The following PTPRD variants were observed in gnomAD, a reference collection of about 807,000 sequenced individuals.
The protein encoded by PTPRD is protein tyrosine phosphatase receptor type D, also known as receptor-type tyrosine-protein phosphatase delta.
Under a neutral mutation model 214.5 loss-of-function variants are expected in PTPRD, and 34 were observed. The ratio of observed to expected loss-of-function variants is 0.16; its 90% CI spans 0.12 to 0.21. PTPRD has a LOEUF of 0.21. Among genes scored for constraint, PTPRD ranks in the 10% least tolerant of loss-of-function variants. The probability of loss-of-function intolerance (pLI) is 1.00; values close to 1 mark genes in which losing one functional copy is unlikely to be tolerated. For missense variants in PTPRD, 2,545 were observed against 2,398.7 expected, an observed-to-expected ratio of 1.06 and a Z score of -1.27; for synonymous variants, 1,128 against 845.7, an observed-to-expected ratio of 1.33 and a Z score of -5.79.
intron 7 of PTPRD, among the ~76,000 whole-genome samples, chr9:9,612,968 G>T (rs1459086471): frequency 1.3e-5 from 2 of 151,456 alleles, no homozygotes; most frequent in Admixed American, 1.3e-4. Context: ...TAGACCGGTG[G>T]TTCTCAAACT....
At chr9:8,774,897 C>T (rs933022334) in intron 11 of PTPRD, among the ~76,000 whole-genome samples, 6 of 152,054 alleles carry the variant, frequency 3.9e-5, no homozygotes, top group East Asian at 1.9e-4. Context: ...ATGTTGATTA[C>T]GAAGATACTT....
At chr9:8,995,650 G>A (rs777871531) in intron 11 of PTPRD, among the ~76,000 whole-genome samples, 8 of 151,956 alleles carry the variant, frequency 5.3e-5, no homozygotes, top group Non-Finnish European at 8.8e-5. Flanking sequence ...AGTTGAAATC[G>A]GGTTCCCCTA....
chr9:9,524,176 T>G (rs560881021), intron 8 of PTPRD, among the ~76,000 whole-genome samples: 1 of 152,234 alleles, frequency 6.6e-6, no homozygotes, highest in South Asian at 2.1e-4. Flanking sequence ...GAGAGACAAT[T>G]TCTGGAGGTG....
At chr9:10,084,564 A>T (rs897499435) in intron 3 of PTPRD, among the ~76,000 whole-genome samples, 2 of 152,004 alleles carry the variant, frequency 1.3e-5, no homozygotes, top group African/African-American at 4.8e-5. Context: ...TGGAGTTCTT[A>T]GATATTGATA....
chr9:10,456,257 T>C (rs891902619), intron 2 of PTPRD, among the ~76,000 whole-genome samples: 3 of 151,954 alleles, frequency 2.0e-5, no homozygotes, highest in African/African-American at 4.8e-5. Flanking sequence ...AGTGCTGTTT[T>C]GAAATACCAT....
At chr9:10,483,847 C>T (rs576303756) in intron 2 of PTPRD, among the ~76,000 whole-genome samples, 2 of 152,160 alleles carry the variant, frequency 1.3e-5, no homozygotes, top group Admixed American at 1.3e-4. Flanking sequence ...TTAATACAAC[C>T]TCTCTGGAAA....
chr9:9,965,523 C>G (rs890784154), intron 4 of PTPRD, among the ~76,000 whole-genome samples: 4 of 152,146 alleles, frequency 2.6e-5, no homozygotes, highest in Non-Finnish European at 5.9e-5. Context: ...TCAAAAGGAC[C>G]TCATGCCATG....
At chr9:8,952,394 T>G (rs1052436950) in intron 11 of PTPRD, among the ~76,000 whole-genome samples, 1 of 152,002 alleles carries the variant, frequency 6.6e-6, no homozygotes, top group South Asian at 2.1e-4. Context: ...CACAGGGCAA[T>G]TTTTCTTGAA....
chr9:9,029,494 C>A (rs1590094716), intron 10 of PTPRD, among the ~76,000 whole-genome samples: 1 of 14,692 alleles, frequency 6.8e-5, no homozygotes, highest in Admixed American at 2.9e-4. Flanking sequence ...TAGCTACTTG[C>A]ACTAAAAAAA....
At chr9:9,629,747 G>T (rs1178052578) in intron 7 of PTPRD, among the ~76,000 whole-genome samples, 1 of 151,962 alleles carries the variant, frequency 6.6e-6, no homozygotes, top group Non-Finnish European at 1.5e-5. Flanking sequence ...AAAGGAATAG[G>T]CTCTTTCCCT....
At chr9:8,372,040 G>T (rs999447661) in intron 39 of PTPRD, among the ~76,000 whole-genome samples, 4 of 151,974 alleles carry the variant, frequency 2.6e-5, no homozygotes, top group Non-Finnish European at 5.9e-5. Flanking sequence ...TTTAAGAGTT[G>T]AAAGGTTTCT....
chr9:8,909,599 C>T (rs1417813054), intron 11 of PTPRD, among the ~76,000 whole-genome samples: 1 of 152,032 alleles, frequency 6.6e-6, no homozygotes, highest in Non-Finnish European at 1.5e-5. Context: ...TTTCATCAAC[C>T]TGAAACAGGA....
At chr9:9,795,840 C>T (rs1309413877) in intron 5 of PTPRD, among the ~76,000 whole-genome samples, 1 of 151,958 alleles carries the variant, frequency 6.6e-6, no homozygotes, top group Admixed American at 6.6e-5. Context: ...CCAGACTAAA[C>T]AGTAGGTAAA....
rs533947935 is a variant in PTPRD at position 9,189,112 on chromosome 9, A to G, written c.-202-5749T>C. Among the ~76,000 whole-genome samples, 6 of 152,228 alleles carry G rather than the reference A, an allele frequency of 3.9e-5. No individual in the cohort carries two copies. In the South Asian group the frequency reaches 1.0e-3, roughly 26 times the overall value. ...GAATACAATTCCATTATTTTCAGGT[A>G]TGAGGAATTTTCCATAAGTGTTCAC... On this transcript the variant is annotated intron_variant, in intron 9 of 45. Coordinates refer to ENST00000381196, the MANE Select transcript of PTPRD (RefSeq NM_002839.4).
At chr9:10,268,943 A>G (rs1238066789) in intron 3 of PTPRD, among the ~76,000 whole-genome samples, 1 of 152,194 alleles carries the variant, frequency 6.6e-6, no homozygotes, top group Non-Finnish European at 1.5e-5. Flanking sequence ...GCCTGGCAGT[A>G]TCCCTGGCCT....
At chr9:9,427,155 A>C (rs776461353) in intron 8 of PTPRD, among the ~76,000 whole-genome samples, 15 of 152,166 alleles carry the variant, frequency 9.9e-5, no homozygotes, top group Non-Finnish European at 1.6e-4. Context: ...AAAGAAGCTA[A>C]AAACCTTGAA....
chr9:10,361,926 C>A (rs1032962107), intron 2 of PTPRD, among the ~76,000 whole-genome samples: 3 of 152,078 alleles, frequency 2.0e-5, no homozygotes, highest in African/African-American at 7.2e-5. Flanking sequence ...TTCTTCTATG[C>A]AGAGAACAAA....
At chr9:10,567,310 T>C (rs947543791) in intron 2 of PTPRD, among the ~76,000 whole-genome samples, 18 of 152,094 alleles carry the variant, frequency 1.2e-4, no homozygotes, top group African/African-American at 4.1e-4. Context: ...AAGGAAAAAA[T>C]CTATCACATA....
chr9:8,373,902 C>G (rs958911182), intron 39 of PTPRD, among the ~76,000 whole-genome samples: 3 of 110,992 alleles, frequency 2.7e-5, no homozygotes, highest in Non-Finnish European at 4.9e-5. Context: ...ATCTATCTAT[C>G]TATCTATCTA....
Sources: gnomAD v4.1 joint callset for allele counts (sites outside exome capture counted in the v4.1 genomes callset) on GRCh38, gnomAD v4.1.1 for gene constraint, MANE v1.5 for transcripts, NCBI Gene and HGNC (gene_info 2026-07-23, HGNC 2026-07-21) for gene names.